Variants in RPTOR observed in about 807,000 individuals in gnomAD.
The protein encoded by RPTOR is regulatory associated protein of MTOR complex 1, also known as regulatory-associated protein of mTOR.
A neutral mutation model predicts 169.9 loss-of-function variants in RPTOR; 21 were observed. That is an observed-to-expected ratio of 0.12 (90% CI 0.09 to 0.18). The LOEUF is 0.18. RPTOR is among the 10% of genes least tolerant of loss of function. The pLI is 1.00. For missense variants in RPTOR, 1,133 were observed against 1,855.9 expected, an observed-to-expected ratio of 0.61 and a Z score of 7.16; for synonymous variants, 732 against 753.2, an observed-to-expected ratio of 0.97 and a Z score of 0.46.
chr17:80,548,439 T>C (rs547721626), intron 1 of RPTOR, among the ~76,000 whole-genome samples: 2 of 127,910 alleles, frequency 1.6e-5, no homozygotes, highest in East Asian at 5.5e-4. Context: ...TGGAGTGCAG[T>C]GGTGTGGTCT....
In RPTOR at chr17:80,840,655, C is replaced by CTCT. The variant is rs1231533613; in HGVS notation, c.1212+2658_1212+2659insTCT. On this transcript the variant is annotated intron_variant, in intron 10 of 33. Transcript: ENST00000306801. ...CTCACCGCACGGCAGCTCACTCTCA[C>CTCT]CACACCACAGCTCACTCTCACCACA... 8.5e-4 allele frequency among the ~76,000 whole-genome samples: 38 copies of CTCT among 44,574 alleles called. 6 individuals carry two copies. The highest frequency in any genetic ancestry group is 2.5e-3 in the Non-Finnish European group (30 of 11,968). The allele number at this position is 44,574 out of a possible 152,430, so 29.2% of individuals were successfully genotyped here.
intron 3 of RPTOR, among the ~76,000 whole-genome samples, chr17:80,676,851 C>T (rs1418721275): frequency 1.3e-5 from 2 of 152,160 alleles, no homozygotes; most frequent in Admixed American, 6.5e-5. Flanking sequence ...CAGGGCACAG[C>T]GGGACCAGGC....
In RPTOR at chr17:80,741,947, G is replaced by A. The variant is rs1343199436; in HGVS notation, c.654+11241G>A. 2.6e-5 allele frequency among the ~76,000 whole-genome samples: 4 copies of A among 152,308 alleles called. No homozygotes were observed. In the East Asian group the frequency reaches 7.7e-4, roughly 29 times the overall value. Reference sequence around the variant, plus strand: ...TCGTGGCATCAGGAAGTCAGGAAAAGCCTCAGGAAAGCCTTCTAGAAGTAG... The same window carrying A: ...TCGTGGCATCAGGAAGTCAGGAAAAACCTCAGGAAAGCCTTCTAGAAGTAG... On this transcript the variant is annotated intron_variant, in intron 5 of 33. Coordinates refer to ENST00000306801, the MANE Select transcript of RPTOR (RefSeq NM_020761.3).
intron 3 of RPTOR, among the ~76,000 whole-genome samples, chr17:80,652,501 G>A (rs1241903422): frequency 6.6e-6 from 1 of 152,212 alleles, no homozygotes; most frequent in Non-Finnish European, 1.5e-5. Context: ...TCCTTCTTGT[G>A]TGTGCATGTG....
At chr17:80,713,149 A>C (rs2066209864) in intron 4 of RPTOR, among the ~76,000 whole-genome samples, 1 of 151,308 alleles carries the variant, frequency 6.6e-6, no homozygotes, top group Non-Finnish European at 1.5e-5. Context: ...GCTCACTGCA[A>C]CCTCTGCCTC....
chr17:80,931,434 C>A (rs2144014076), intron 24 of RPTOR, among the ~76,000 whole-genome samples: 1 of 152,328 alleles, frequency 6.6e-6, no homozygotes, highest in Non-Finnish European at 1.5e-5. Flanking sequence ...AATGGAGAAT[C>A]TCAAACCTTT....
rs2069264705 is a variant in RPTOR, at chr17:80,957,340, C to T, written c.3371-284C>T. 6.6e-6 allele frequency among the ~76,000 whole-genome samples: 1 copy of T among 151,394 alleles called. No homozygotes were observed. Among genetic ancestry groups the T allele is most frequent in the African/African-American group, 2.4e-5 (1 of 41,100 alleles). On this transcript the variant is annotated intron_variant, in intron 28 of 33. Transcript: ENST00000306801. The surrounding 1 kb of genome is among the most constrained non-coding windows in gnomAD (Gnocchi z 4.6). Reference sequence around the variant, plus strand: ...CCCGGCCTGGACTTGGGAGTTCCAGCTTAGAACTGTCACCCCAGCCTGGAC... The same window carrying T: ...CCCGGCCTGGACTTGGGAGTTCCAGTTTAGAACTGTCACCCCAGCCTGGAC...
At chr17:80,587,141 G>A (rs2065067945) in intron 1 of RPTOR, among the ~76,000 whole-genome samples, 1 of 151,150 alleles carries the variant, frequency 6.6e-6, no homozygotes, top group Admixed American at 6.6e-5. Context: ...GCGCAGCCCC[G>A]CTCGCCCCTC....
chr17:80,714,128 A>T (rs1288254752), intron 4 of RPTOR, among the ~76,000 whole-genome samples: 1 of 152,062 alleles, frequency 6.6e-6, no homozygotes, highest in Non-Finnish European at 1.5e-5. Context: ...TTTAGTAGAG[A>T]TGGGGTTTCA....
At chr17:80,712,343 G>C (rs2066201848) in intron 4 of RPTOR, among the ~76,000 whole-genome samples, 1 of 152,140 alleles carries the variant, frequency 6.6e-6, no homozygotes, top group Admixed American at 6.5e-5. Context: ...TGTCCTTCAA[G>C]TCCTCTGTGC....
At chr17:80,896,502 C>T (rs1598386423) in intron 20 of RPTOR, among the ~76,000 whole-genome samples, 1 of 62,406 alleles carries the variant, frequency 1.6e-5, no homozygotes, top group Non-Finnish European at 3.6e-5. Context: ...ACACACCCCA[C>T]GGCCGCACCG....
rs1019833632 is a variant in RPTOR at position 80,545,429 on chromosome 17, C to A, written c.-201C>A. ...GGCTGCCCCATTTCCTAGCGGCCCC[C>A]ACCTCCCCACTTCCCGCTCAGAGTT... On this transcript the variant is annotated 5_prime_UTR_variant, in exon 1 of 34. Coordinates refer to ENST00000306801, the MANE Select transcript of RPTOR (RefSeq NM_020761.3). The A allele has an allele frequency of 2.1e-6, 1 of 466,750 alleles. No individual in the cohort carries two copies. The allele number at this position is 466,750 out of a possible 1,614,324, so 28.9% of individuals were successfully genotyped here. A position where few individuals can be genotyped will look rare whatever the true frequency, so the allele number is the denominator to read the frequency against.
chr17:80,793,193 C>T (rs746738890), intron 7 of RPTOR, among the ~76,000 whole-genome samples: 7 of 152,050 alleles, frequency 4.6e-5, no homozygotes, highest in South Asian at 4.1e-4. Context: ...TTCATGTTTT[C>T]GGATTAGTGA....
At chr17:80,756,904 A>AACAG (rs765049880) in intron 6 of RPTOR, among the ~76,000 whole-genome samples, 1 of 152,242 alleles carries the variant, frequency 6.6e-6, no homozygotes, top group Non-Finnish European at 1.5e-5. Flanking sequence ...AGCAACACAA[A>AACAG]ACAGACAGAC....
chr17:80,922,840 C>T lies in RPTOR; in HGVS notation c.2624+13C>T, dbSNP rs961849750. On this transcript the variant is annotated intron_variant, in intron 22 of 33. Transcript: ENST00000306801. ...TCCACCAGGCGGGGTAAGTGCCGCC[C>T]GCTCAGCCTGCAGGTCCGTGGTGGT... The T allele has an allele frequency of 2.6e-6, 4 of 1,545,740 alleles. No homozygotes were observed. Among genetic ancestry groups the T allele is most frequent in the South Asian group, 1.2e-5 (1 of 84,470 alleles).
At chr17:80,956,991 G>A (rs1053367366) in intron 28 of RPTOR, among the ~76,000 whole-genome samples, 1 of 152,246 alleles carries the variant, frequency 6.6e-6, no homozygotes, top group Admixed American at 6.5e-5. Context: ...GCGATGCCTG[G>A]GGCATAGTCG....
intron 9 of RPTOR, among the ~76,000 whole-genome samples, chr17:80,828,720 G>A (rs1038037440): frequency 1.2e-4 from 19 of 152,204 alleles, no homozygotes; most frequent in African/African-American, 4.3e-4. Flanking sequence ...ACCAAGCAAC[G>A]GGACTAATGG....
chr17:80,547,420 T>C (rs1347103802), intron 1 of RPTOR, among the ~76,000 whole-genome samples: 1 of 152,234 alleles, frequency 6.6e-6, no homozygotes, highest in Non-Finnish European at 1.5e-5. Context: ...GATTAATGGG[T>C]ATACGTTTGA....
chr17:80,695,564 A>G lies in RPTOR; in HGVS notation c.349-12277A>G, dbSNP rs949054911. 1.2e-4 allele frequency among the ~76,000 whole-genome samples: 19 copies of G among 152,158 alleles called. No homozygotes were observed. The highest frequency in any genetic ancestry group is 4.3e-4 in the African/African-American group (18 of 41,428). On this transcript the variant is annotated intron_variant, in intron 3 of 33. Coordinates refer to ENST00000306801, the MANE Select transcript of RPTOR (RefSeq NM_020761.3). The surrounding 1 kb of genome is among the most constrained non-coding windows in gnomAD (Gnocchi z 4.9). ...GAGTGCCTGGGGATGCCTGCCAGCC[A>G]CCCAGAGCCAGCGTCTTCCCAAGCA...
Sources: allele counts gnomAD v4.1 joint callset (sites outside exome capture counted in the v4.1 genomes callset), GRCh38; gene constraint gnomAD v4.1.1; non-coding constraint Gnocchi (gnomAD v3.1); transcripts MANE v1.5; gene names NCBI Gene and HGNC (gene_info 2026-07-23, HGNC 2026-07-21).